MARCHF1: variants seen among roughly 807,000 people sequenced by gnomAD.
MARCHF1 encodes membrane associated ring-CH-type finger 1, also known as E3 ubiquitin-protein ligase MARCHF1.
A neutral mutation model predicts 54.2 loss-of-function variants in MARCHF1; 40 were observed. The ratio of observed to expected loss-of-function variants is 0.74; its 90% CI spans 0.57 to 0.96. The LOEUF (loss-of-function observed/expected upper bound fraction) is 0.96, where lower values mean the gene tolerates loss of function less well. Ranked by LOEUF, MARCHF1 falls within the 40% of genes least tolerant of loss-of-function variation. The probability of loss-of-function intolerance (pLI) is 0.00; values close to 1 mark genes in which losing one functional copy is unlikely to be tolerated. For synonymous variants in MARCHF1, 236 were observed against 236.3 expected (o/e 1.00, Z 0.01); for missense variants, 586 against 656.5 (o/e 0.89, Z 1.17).
At chr4:164,349,718 A>G (rs1730222713) in intron 1 of MARCHF1, among the ~76,000 whole-genome samples, 2 of 152,174 alleles carry the variant, frequency 1.3e-5, no homozygotes, top group Admixed American at 6.6e-5. Flanking sequence ...CATAGCAGTT[A>G]CCTATAAAAG....
chr4:164,147,985 T>G (rs1012368404), intron 1 of MARCHF1, among the ~76,000 whole-genome samples: 13 of 152,066 alleles, frequency 8.5e-5, no homozygotes, highest in Non-Finnish European at 1.0e-4. Flanking sequence ...TTGCTGAAAA[T>G]TTGATAAAAC....
At chr4:163,846,217 T>C (rs1282062815) in intron 4 of MARCHF1, among the ~76,000 whole-genome samples, 2 of 152,210 alleles carry the variant, frequency 1.3e-5, no homozygotes, top group African/African-American at 2.4e-5. Flanking sequence ...CTGCTCTGAC[T>C]TGATTTATTT....
rs562808426 is a variant in MARCHF1 at position 164,350,810 on chromosome 4, G to T, written c.-323+33060C>A. On this transcript the variant is annotated intron_variant, in intron 1 of 9. Coordinates refer to ENST00000514618, the MANE Select transcript of MARCHF1 (RefSeq NM_001394959.1). ...CCGGTCTACAGCTCCCAGCGTGAGCGACGCAGAAGATGGGTGATTTCTGCA... is the reference window on the plus strand; with the variant it reads ...CCGGTCTACAGCTCCCAGCGTGAGCTACGCAGAAGATGGGTGATTTCTGCA... 6.6e-5 allele frequency among the ~76,000 whole-genome samples: 10 copies of T among 152,162 alleles called. 1 individual carries two copies. Among genetic ancestry groups the T allele is most frequent in the South Asian group, 2.1e-4 (1 of 4,822 alleles).
intron 3 of MARCHF1, among the ~76,000 whole-genome samples, chr4:163,887,761 T>G (rs977078475): frequency 6.6e-6 from 1 of 152,148 alleles, no homozygotes; most frequent in African/African-American, 2.4e-5. Flanking sequence ...GTCAACATCT[T>G]TAGTCCTTTA....
intron 2 of MARCHF1, among the ~76,000 whole-genome samples, chr4:164,006,946 T>G (rs1415294098): frequency 8.6e-6 from 1 of 115,922 alleles, no homozygotes; most frequent in Non-Finnish European, 1.6e-5. Context: ...TTCACCACCA[T>G]CATTCCCATC....
chr4:164,372,631 A>C (rs1313205881), intron 1 of MARCHF1, among the ~76,000 whole-genome samples: 1 of 152,120 alleles, frequency 6.6e-6, no homozygotes, highest in Non-Finnish European at 1.5e-5. Context: ...TTATTATCCT[A>C]CTATAATATG....
chr4:163,674,602 C>A (rs1302157671), intron 5 of MARCHF1, among the ~76,000 whole-genome samples: 1 of 152,128 alleles, frequency 6.6e-6, no homozygotes, highest in Admixed American at 6.6e-5. Flanking sequence ...CTTATCTCCA[C>A]CCCTAGTGCC....
At chr4:164,011,099 C>T (rs773929744) in intron 2 of MARCHF1, among the ~76,000 whole-genome samples, 7 of 152,040 alleles carry the variant, frequency 4.6e-5, no homozygotes, top group Admixed American at 6.5e-5. Context: ...TCTCGAACCA[C>T]GCCCCAAATT....
At chr4:163,879,219 A>G (rs4691104) in intron 3 of MARCHF1, among the ~76,000 whole-genome samples, 146,578 of 152,218 alleles carry the variant, frequency 0.96, 70,826 homozygotes, top group East Asian at 1. Context: ...GGAAGCATGC[A>G]GTGTCCTGGG....
chr4:163,835,904 G>C (rs1481608422), intron 4 of MARCHF1, among the ~76,000 whole-genome samples: 1 of 151,932 alleles, frequency 6.6e-6, no homozygotes, highest in Admixed American at 6.6e-5. Context: ...ACCTGGCTTG[G>C]TGATAAGAAA....
At chr4:164,154,579 C>A (rs1315008134) in intron 1 of MARCHF1, among the ~76,000 whole-genome samples, 2 of 152,188 alleles carry the variant, frequency 1.3e-5, no homozygotes, top group Non-Finnish European at 2.9e-5. Flanking sequence ...CAAGCTCAAA[C>A]CCCTTACGGG....
chr4:164,264,301 A>G (rs754829000), intron 1 of MARCHF1, among the ~76,000 whole-genome samples: 44 of 152,154 alleles, frequency 2.9e-4, no homozygotes, highest in Non-Finnish European at 3.2e-4. Context: ...ACTCATGAAC[A>G]CAACGAATAA....
At chr4:164,146,528 A>G (rs1322900865) in intron 1 of MARCHF1, among the ~76,000 whole-genome samples, 1 of 152,182 alleles carries the variant, frequency 6.6e-6, no homozygotes, top group Non-Finnish European at 1.5e-5. Context: ...GCATATCTAC[A>G]AGTATCTGAT....
intron 1 of MARCHF1, among the ~76,000 whole-genome samples, chr4:164,312,742 AAT>A (rs148863385): frequency 3.3e-5 from 5 of 151,796 alleles, no homozygotes; most frequent in African/African-American, 1.2e-4. Flanking sequence ...TGTGGAAGGA[AAT>A]ATATATATAT....
At chr4:164,149,209 C>T (rs934334123) in intron 1 of MARCHF1, among the ~76,000 whole-genome samples, 1 of 152,132 alleles carries the variant, frequency 6.6e-6, no homozygotes, top group East Asian at 1.9e-4. Context: ...GATGCTGGTG[C>T]CATGTTTGTA....
intron 4 of MARCHF1, among the ~76,000 whole-genome samples, chr4:163,773,935 T>C (rs571103373): frequency 3.9e-5 from 6 of 152,192 alleles, no homozygotes; most frequent in South Asian, 2.1e-4. Context: ...ACAGGTCCAA[T>C]TGCCATTCAA....
intron 1 of MARCHF1, among the ~76,000 whole-genome samples, chr4:164,255,555 G>T (rs572516684): frequency 6.6e-6 from 1 of 152,152 alleles, no homozygotes; most frequent in African/African-American, 2.4e-5. Flanking sequence ...TCCAGCTTAT[G>T]CTTTACAACA....
chr4:164,048,448 G>GA (rs1259704308), intron 2 of MARCHF1, among the ~76,000 whole-genome samples: 1 of 152,036 alleles, frequency 6.6e-6, no homozygotes, highest in Non-Finnish European at 1.5e-5. Flanking sequence ...GTCTATTTTA[G>GA]AAAAATCAGA....
At chr4:163,582,276 T>A (rs1740255995) in intron 8 of MARCHF1, among the ~76,000 whole-genome samples, 1 of 152,184 alleles carries the variant, frequency 6.6e-6, no homozygotes, top group African/African-American at 2.4e-5. Flanking sequence ...TTAATGAGAC[T>A]TTTATTAAGT....
Sources: allele counts gnomAD v4.1 joint callset (sites outside exome capture counted in the v4.1 genomes callset), GRCh38; gene constraint gnomAD v4.1.1; transcripts MANE v1.5; gene names NCBI Gene and HGNC (gene_info 2026-07-23, HGNC 2026-07-21).